MYO3B: variants seen among roughly 807,000 people sequenced by gnomAD.
MYO3B encodes the protein myosin-IIIb.
A neutral mutation model predicts 174.6 loss-of-function variants in MYO3B; 156 were observed. The observed-to-expected ratio is 0.89, with a 90% CI of 0.78 to 1.02. The LOEUF is 1.02. Among genes scored for constraint, MYO3B ranks in the 50% least tolerant of loss-of-function variants. The probability of loss-of-function intolerance (pLI) is 0.00; values close to 1 mark genes in which losing one functional copy is unlikely to be tolerated. For missense variants in MYO3B, 1,632 were observed against 1,639.4 expected (o/e 1.00, Z 0.08); for synonymous variants, 563 against 569.1 (o/e 0.99, Z 0.15).
At position 170,444,468 on chromosome 2, in the gene MYO3B, C is replaced by T. The variant is rs1271010637; in HGVS notation, c.2730+422C>T. ...AAAAATATCCAGCTGTAAAATATGT[C>T]TTTAACTGTTCTATCCTTCCAGCTA... On this transcript the variant is annotated intron_variant, in intron 23 of 34. Coordinates refer to ENST00000408978, the MANE Select transcript of MYO3B (RefSeq NM_138995.5). 2.0e-5 allele frequency among the ~76,000 whole-genome samples: 3 copies of T among 152,148 alleles called. No homozygotes were observed. In the East Asian group the frequency reaches 5.8e-4, roughly 29 times the overall value.
intron 23 of MYO3B, among the ~76,000 whole-genome samples, chr2:170,456,135 G>C (rs73023296): frequency 0.1 from 15,493 of 152,134 alleles, 905 homozygotes; most frequent in South Asian, 0.19. Context: ...TTAAGGGAGA[G>C]GGAGATGGAG....
chr2:170,216,176 TCAAAGGTGTGTCCTTTGCTAAGAACA>T (rs1322757656), intron 5 of MYO3B, among the ~76,000 whole-genome samples: 1 of 152,212 alleles, frequency 6.6e-6, no homozygotes, highest in Non-Finnish European at 1.5e-5. Context: ...TGCTCATGTT[TCAAAGGTGTGTCCTTTGCTAAGAACA>T]CATAGTGTTC....
At chr2:170,511,318 G>A (rs1370614149) in intron 28 of MYO3B, among the ~76,000 whole-genome samples, 3 of 151,624 alleles carry the variant, frequency 2.0e-5, no homozygotes, top group South Asian at 2.1e-4. Flanking sequence ...CGCCTGCCTC[G>A]GCTTCCCAAA....
chr2:170,536,743 A>G (rs1028403399), intron 30 of MYO3B, among the ~76,000 whole-genome samples: 5 of 152,196 alleles, frequency 3.3e-5, no homozygotes, highest in African/African-American at 1.2e-4. Flanking sequence ...CATTCCTTAA[A>G]TATCTTAATT....
chr2:170,222,533 T>C (rs1244697579), intron 6 of MYO3B, among the ~76,000 whole-genome samples: 1 of 152,164 alleles, frequency 6.6e-6, no homozygotes, highest in Non-Finnish European at 1.5e-5. Context: ...TGGTGTTCCC[T>C]GGCTTGCAAG....
chr2:170,616,077 C>G (rs1695447083), intron 32 of MYO3B, among the ~76,000 whole-genome samples: 1 of 152,114 alleles, frequency 6.6e-6, no homozygotes, highest in African/African-American at 2.4e-5. Context: ...CTATGATTAG[C>G]AAGATATTAA....
chr2:170,535,741 C>G (rs991519001), intron 30 of MYO3B, among the ~76,000 whole-genome samples: 1 of 152,202 alleles, frequency 6.6e-6, no homozygotes, highest in Non-Finnish European at 1.5e-5. Context: ...AAGTCCTCAG[C>G]ACAGTGCCTG....
Position 170,379,193 on chromosome 2 carries a change from AATTTTTTTT to A in MYO3B, c.972-2822_972-2814del, listed in dbSNP as rs1274536208. 1.8e-3 allele frequency among the ~76,000 whole-genome samples: 241 copies of A among 134,680 alleles called. 2 individuals carry two copies. The highest frequency in any genetic ancestry group is 6.4e-3 in the African/African-American group (232 of 36,072). 88.4% of individuals were successfully genotyped at this position (134,680 alleles called of 152,430 possible). On this transcript the variant is annotated intron_variant, in intron 9 of 34. Transcript: ENST00000408978. ...TAATTATTTCATGAAAATGTGGTACAATTTTTTTTTTTTTTTTTTTGAGACGGAATCTTG... is the reference window on the plus strand; with the variant it reads ...TAATTATTTCATGAAAATGTGGTACATTTTTTTTTTTGAGACGGAATCTTG...
At position 170,386,208 on chromosome 2, in the gene MYO3B, A is replaced by G. The variant is rs1401143435; in HGVS notation, c.1310A>G (p.Glu437Gly). The G allele has an allele frequency of 3.7e-6, 6 of 1,613,544 alleles. No individual in the cohort carries two copies. In the East Asian group the frequency reaches 8.9e-5, roughly 24 times the overall value. Reference protein sequence around the residue: ...SKDQCIVISGESGSGKTESAH... With the variant: ...SKDQCIVISGGSGSGKTESAH... The stretch of plus-strand genomic sequence containing the variant: ...TGCCAGTGCATTGTCATCAGCGGAG[A>G]GAGTGGCTCTGGGAAGACAGAAAGC... The change falls in exon 13 of 35, where the codon GAG (glutamate) becomes GGG (glycine). Residue 437 changes from glutamate (E) to glycine (G), a missense_variant. Physicochemically the swap from Glu to Gly is moderately conservative, Grantham distance 98 (BLOSUM62 -2). Transcript: ENST00000408978.
At chr2:170,324,994 G>A (rs1176402927) in intron 7 of MYO3B, among the ~76,000 whole-genome samples, 1 of 152,024 alleles carries the variant, frequency 6.6e-6, no homozygotes, top group East Asian at 1.9e-4. Flanking sequence ...ACTTCACCAC[G>A]GAGGCCCATA....
chr2:170,282,249 A>G (rs1042847986), intron 7 of MYO3B, among the ~76,000 whole-genome samples: 8 of 152,112 alleles, frequency 5.3e-5, no homozygotes, highest in African/African-American at 1.9e-4. Context: ...CTTAAATTTA[A>G]GTCTTTAATC....
At chr2:170,406,811 C>T (rs550287716) in intron 21 of MYO3B, among the ~76,000 whole-genome samples, 1 of 152,302 alleles carries the variant, frequency 6.6e-6, no homozygotes, top group East Asian at 1.9e-4. Flanking sequence ...AAGGAATTCT[C>T]TGAGGGTGTT....
intron 8 of MYO3B, among the ~76,000 whole-genome samples, chr2:170,358,645 T>C (rs1310455521): frequency 6.6e-6 from 1 of 152,216 alleles, no homozygotes; most frequent in African/African-American, 2.4e-5. Context: ...GAAAATTTTA[T>C]TGAGTAGTTT....
At chr2:170,617,321 C>T (rs1444517694) in intron 32 of MYO3B, among the ~76,000 whole-genome samples, 3 of 152,198 alleles carry the variant, frequency 2.0e-5, no homozygotes, top group African/African-American at 7.2e-5. Context: ...AATATCTTGT[C>T]TGGCTCTGAC....
At chr2:170,350,440 T>C (rs903007129) in intron 8 of MYO3B, 2 of 152,220 alleles carry the variant, frequency 1.3e-5, no homozygotes, top group Admixed American at 6.5e-5. Context: ...CCTTTTCATC[T>C]CTGCCTTCCC....
At chr2:170,242,574 C>A (rs1393156997) in intron 7 of MYO3B, among the ~76,000 whole-genome samples, 1 of 152,142 alleles carries the variant, frequency 6.6e-6, no homozygotes, top group Non-Finnish European at 1.5e-5. Flanking sequence ...CTGCCTGAGT[C>A]CTGGCAGGCA....
At chr2:170,550,031 C>T (rs1559106856) in intron 32 of MYO3B, among the ~76,000 whole-genome samples, 1 of 152,330 alleles carries the variant, frequency 6.6e-6, no homozygotes, top group East Asian at 1.9e-4. Flanking sequence ...GGCTACTGGG[C>T]ATCTCTGTCC....
chr2:170,650,314 A>ATACT (rs1325478924), intron 32 of MYO3B, among the ~76,000 whole-genome samples: 2 of 152,090 alleles, frequency 1.3e-5, no homozygotes, highest in Non-Finnish European at 2.9e-5. Context: ...ACAAAACTTT[A>ATACT]TACTTAGGGA....
chr2:170,524,863 G>A (rs1214168466), intron 30 of MYO3B, among the ~76,000 whole-genome samples: 1 of 152,138 alleles, frequency 6.6e-6, no homozygotes, highest in Non-Finnish European at 1.5e-5. Context: ...GACATTGAGA[G>A]ATCACAAGTA....
Sources: allele counts gnomAD v4.1 joint callset (sites outside exome capture counted in the v4.1 genomes callset), GRCh38; gene constraint gnomAD v4.1.1; transcripts MANE v1.5; gene names NCBI Gene and HGNC (gene_info 2026-07-23, HGNC 2026-07-21).